HNRNPH3: variants seen among roughly 807,000 people sequenced by gnomAD.
HNRNPH3 encodes heterogeneous nuclear ribonucleoprotein 2H9.
A neutral mutation model predicts 47.0 loss-of-function variants in HNRNPH3; 7 were observed. That is an observed-to-expected ratio of 0.15 (90% CI 0.08 to 0.28). HNRNPH3 has a LOEUF of 0.28. Ranked by LOEUF, HNRNPH3 falls within the 10% of genes least tolerant of loss-of-function variation. The pLI is 1.00. For synonymous variants in HNRNPH3, 120 were observed against 143.2 expected (o/e 0.84, Z 1.16); for missense variants, 279 against 449.6 (o/e 0.62, Z 3.43).
At chr10:68,332,346 A>G (rs896775850) in intron 1 of HNRNPH3, 130 bp downstream of exon 1, 2 of 151,704 alleles carry the variant, frequency 1.3e-5, no homozygotes, top group Non-Finnish European at 2.9e-5. Flanking sequence ...GCCGCTTGGA[A>G]GCGGCGGGGC....
chr10:68,336,992 C>G, intron 1 of HNRNPH3: 1 of 423,156 alleles, frequency 2.4e-6, no homozygotes. Flanking sequence ...AAATTCAGTA[C>G]TTTTCCGTAG....
Position 68,341,685 on chromosome 10 carries a change from G to A in HNRNPH3, c.871+5G>A, listed in dbSNP as rs1283707031. On this transcript the variant is annotated splice_donor_5th_base_variant and intron_variant, in intron 8 of 9. Transcript: ENST00000265866. ...GCTACGGAAGAGATGGAATGGGTAT[G>A]TAAAGTTTTTAAAATATGCAGGGTT... 5 of 1,609,184 alleles carry A rather than the reference G, an allele frequency of 3.1e-6. No homozygotes were observed. The South Asian group carries it at 5.5e-5, about 18-fold the overall frequency.
At chr10:68,334,617 G>A (rs774705944) in intron 1 of HNRNPH3, among the ~76,000 whole-genome samples, 1 of 152,160 alleles carries the variant, frequency 6.6e-6, no homozygotes, top group Admixed American at 6.5e-5. Flanking sequence ...AGACAATCAT[G>A]AATAGAAATG....
intron 1 of HNRNPH3, chr10:68,332,823 C>T (rs1033128650): frequency 6.6e-6 from 1 of 152,394 alleles, no homozygotes; most frequent in Non-Finnish European, 1.5e-5. Context: ...GACGCAGATT[C>T]CCAAGATGAG....
At chr10:68,336,089 A>G (rs2045531383) in intron 1 of HNRNPH3, among the ~76,000 whole-genome samples, 1 of 152,186 alleles carries the variant, frequency 6.6e-6, no homozygotes, top group African/African-American at 2.4e-5. Flanking sequence ...CAACAAATAG[A>G]TGACATGAAA....
intron 3 of HNRNPH3, chr10:68,338,263 T>C (rs944230578): frequency 1.5e-5 from 7 of 462,070 alleles, no homozygotes; most frequent in South Asian, 4.2e-5. Flanking sequence ...ACACCTATTA[T>C]GTACTAAAAG....
intron 5 of HNRNPH3, 23 bp downstream of exon 5, chr10:68,339,249 TTTTA>T: frequency 1.9e-6 from 3 of 1,574,608 alleles, no homozygotes; most frequent in Non-Finnish European, 2.6e-6. Flanking sequence ...TTAAAGACAT[TTTTA>T]TTCATAGGTA....
At chr10:68,341,732 A>G in intron 8 of HNRNPH3, 27 bp from the exon 9 acceptor site, 2 of 1,586,336 alleles carry the variant, frequency 1.3e-6, no homozygotes, top group Non-Finnish European at 1.7e-6. Flanking sequence ...GATGAGTCTC[A>G]ATTTTTTTTC....
Position 68,341,386 on chromosome 10 carries a change from TAACG to T in HNRNPH3, c.775+78_775+81del, listed in dbSNP as rs2134778719. 2.1e-6 allele frequency: 3 copies of T among 1,454,204 alleles called. No homozygotes were observed. In the South Asian group the frequency reaches 3.7e-5, roughly 18 times the overall value. The allele number at this position is 1,454,204 out of a possible 1,614,324, so 90.1% of individuals were successfully genotyped here. A position where few individuals can be genotyped will look rare whatever the true frequency, so the allele number is the denominator to read the frequency against. On this transcript the variant is annotated intron_variant, in intron 7 of 9. Transcript: ENST00000265866. ...AATAAGAGGCTCTAAGATCTGTAGGTAACGCTTGGCAGTTGTTGGGATTTAAAAC... is the reference window on the plus strand; with the variant it reads ...AATAAGAGGCTCTAAGATCTGTAGGTCTTGGCAGTTGTTGGGATTTAAAAC...
At chr10:68,339,078 C>T in intron 4 of HNRNPH3, 62 bp from the exon 5 acceptor site, 1 of 1,331,160 alleles carries the variant, frequency 7.5e-7, no homozygotes. Context: ...TTTTTGTAAA[C>T]TAAATTATAA....
intron 1 of HNRNPH3, among the ~76,000 whole-genome samples, chr10:68,333,983 T>C (rs529894429): frequency 1.3e-5 from 2 of 152,184 alleles, no homozygotes; most frequent in African/African-American, 2.4e-5. Context: ...CTACACATCT[T>C]TTTTCTGTCC....
intron 6 of HNRNPH3, 116 bp from the exon 7 acceptor site, chr10:68,341,058 T>TA: frequency 1.5e-6 from 1 of 656,434 alleles, no homozygotes; most frequent in Non-Finnish European, 2.5e-6. Flanking sequence ...ACTAAGTTAT[T>TA]AGTCTGACAG....
chr10:68,339,009 G>C, intron 4 of HNRNPH3, 131 bp from the exon 5 acceptor site: 1 of 651,798 alleles, frequency 1.5e-6, no homozygotes. Flanking sequence ...TTTTTCATAG[G>C]TTTTAAGTTG....
At chr10:68,340,438 G>C (rs1024543541) in intron 6 of HNRNPH3, among the ~76,000 whole-genome samples, 3 of 152,238 alleles carry the variant, frequency 2.0e-5, no homozygotes, top group Non-Finnish European at 2.9e-5. Context: ...AATAGATGCT[G>C]CTGTTGTCAC....
intron 7 of HNRNPH3, 101 bp downstream of exon 7, chr10:68,341,410 T>A: frequency 7.7e-7 from 1 of 1,292,584 alleles, no homozygotes; most frequent in Non-Finnish European, 1.1e-6. Flanking sequence ...TGTTGGGATT[T>A]AAAACCATTT....
intron 6 of HNRNPH3, 76 bp downstream of exon 6, chr10:68,339,631 T>C: frequency 2.2e-6 from 2 of 893,542 alleles, no homozygotes; most frequent in Non-Finnish European, 3.5e-6. Flanking sequence ...CTTAATGTTC[T>C]CATGTTTATA....
In HNRNPH3 at chr10:68,339,351, A is replaced by G. The variant is rs2045715639; in HGVS notation, c.524-89A>G. ...CAGACAAATTTCAGTGCATTCCTAT[A>G]TAGAGCTTTATACCTTGTATAGTAT... On this transcript the variant is annotated intron_variant, in intron 5 of 9. Transcript: ENST00000265866. 5 of 1,507,198 alleles carry G rather than the reference A, an allele frequency of 3.3e-6. No homozygotes were observed. The South Asian group carries it at 4.7e-5, about 14-fold the overall frequency. 93.4% of individuals were successfully genotyped at this position (1,507,198 alleles called of 1,614,324 possible). A position where few individuals can be genotyped will look rare whatever the true frequency, so the allele number is the denominator to read the frequency against.
intron 6 of HNRNPH3, among the ~76,000 whole-genome samples, chr10:68,340,586 G>A (rs1007764465): frequency 6.6e-6 from 1 of 152,194 alleles, no homozygotes; most frequent in Non-Finnish European, 1.5e-5. Context: ...CAAAAGTACT[G>A]ACTCTGGCTT....
chr10:68,336,689 AT>A (rs1305443759), intron 1 of HNRNPH3: 1 of 152,480 alleles, frequency 6.6e-6, no homozygotes, highest in East Asian at 1.9e-4. Flanking sequence ...ATTGTAGTGC[AT>A]TTAAAAGGGT....
Sources: gnomAD v4.1 joint callset for allele counts (sites outside exome capture counted in the v4.1 genomes callset) on GRCh38, gnomAD v4.1.1 for gene constraint, MANE v1.5 for transcripts, NCBI Gene and HGNC (gene_info 2026-07-23, HGNC 2026-07-21) for gene names.